The following ITPR3 variants were observed in gnomAD, a reference collection of about 807,000 sequenced individuals.
The protein encoded by ITPR3 is inositol 1,4,5-trisphosphate receptor type 3, also known as inositol 1,4,5-trisphosphate-gated calcium channel ITPR3.
In ITPR3, 173 loss-of-function variants were observed where a neutral mutation model predicts 293.2. The ratio of observed to expected loss-of-function variants is 0.59; its 90% CI spans 0.52 to 0.67. The LOEUF (loss-of-function observed/expected upper bound fraction) is 0.67, where lower values mean the gene tolerates loss of function less well. Among genes scored for constraint, ITPR3 ranks in the 30% least tolerant of loss-of-function variants. The pLI is 0.00. For missense variants in ITPR3, 2,796 were observed against 3,592.1 expected (o/e 0.78, Z 5.66); for synonymous variants, 1,295 against 1,444.4 (o/e 0.90, Z 2.35).
rs772492101 is a variant in ITPR3, at chr6:33,684,340, C to G, written c.4938-17C>G. 5 of 1,612,350 alleles carry G rather than the reference C, an allele frequency of 3.1e-6. No homozygotes were observed. The highest frequency in any genetic ancestry group is 3.4e-6 in the Non-Finnish European group (4 of 1,178,692). On this transcript the variant is annotated splice_polypyrimidine_tract_variant and intron_variant, in intron 36 of 57. Transcript: ENST00000605930. This position sits in a 1 kb window ranked among gnomAD's most constrained non-coding sequence, Gnocchi z 4.2. ...GCAGTGTGGGGCTGCCCTGAGCTGC[C>G]TCCTTGGCCGGCTCAGGCTGATCCA...
chr6:33,685,628 A>G lies in ITPR3; in HGVS notation c.5483-15A>G, dbSNP rs749808138. 6.3e-7 allele frequency: 1 copy of G among 1,581,492 alleles called. No individual in the cohort carries two copies. The highest frequency in any genetic ancestry group is 8.6e-7 in the Non-Finnish European group (1 of 1,159,010). On this transcript the variant is annotated splice_polypyrimidine_tract_variant and intron_variant, in intron 40 of 57. Coordinates refer to ENST00000605930, the MANE Select transcript of ITPR3 (RefSeq NM_002224.4). Reference sequence around the variant, plus strand: ...GGGGGTGGGCAGCTCCAGCCTCACCAGGTCTCGCCCACAGGCCGCGTGGCC... The same window carrying G: ...GGGGGTGGGCAGCTCCAGCCTCACCGGGTCTCGCCCACAGGCCGCGTGGCC...
Position 33,683,045 on chromosome 6 carries a change from C to T in ITPR3, c.4598-162C>T, listed in dbSNP as rs1331489845. Among the ~76,000 whole-genome samples the T allele has an allele frequency of 7.2e-6, 1 of 138,970 alleles. No individual in the cohort carries two copies. Among genetic ancestry groups the T allele is most frequent in the African/African-American group, 2.6e-5 (1 of 37,776 alleles). The allele number at this position is 138,970 out of a possible 152,430, so 91.2% of individuals were successfully genotyped here. ...TTTTACCCAACAAGGGGAAGAAAGC[C>T]TCTCAGTCCCTCAAGCATAGGCCGG... On this transcript the variant is annotated intron_variant, in intron 34 of 57. Transcript: ENST00000605930. This position sits in a 1 kb window ranked among gnomAD's most constrained non-coding sequence, Gnocchi z 4.5.
At position 33,667,294 on chromosome 6, in the gene ITPR3, C is replaced by T. The variant is rs367614119; in HGVS notation, c.1713+4C>T. 174 of 1,610,682 alleles carry T rather than the reference C, an allele frequency of 1.1e-4. No individual in the cohort carries two copies. In the African/African-American group the frequency reaches 1.1e-3, roughly 10 times the overall value. ...GGAGGACTACCGCAAGAACCAGGTG[C>T]GCCGCTGCCCTGCTGGCCCACTCGC... On this transcript the variant is annotated splice_donor_region_variant and intron_variant, in intron 15 of 57. Coordinates refer to ENST00000605930, the MANE Select transcript of ITPR3 (RefSeq NM_002224.4). This position sits in a 1 kb window ranked among gnomAD's most constrained non-coding sequence, Gnocchi z 4.4.
Position 33,621,563 on chromosome 6 carries a change from T to C in ITPR3, c.-40T>C, listed in dbSNP as rs935348468. On this transcript the variant is annotated 5_prime_UTR_variant, in exon 1 of 58. Coordinates refer to ENST00000605930, the MANE Select transcript of ITPR3 (RefSeq NM_002224.4). The surrounding 1 kb of genome is among the most constrained non-coding windows in gnomAD (Gnocchi z 7.7). ...CGCACTGAGCTTGGCCACGCGCCCC[T>C]AGGCGCCCCCCACGCCCTGGGCCCC... 1 of 1,501,978 alleles carries C rather than the reference T, an allele frequency of 6.7e-7. No individual in the cohort carries two copies. Among genetic ancestry groups the C allele is most frequent in the Non-Finnish European group, 9.1e-7 (1 of 1,098,660 alleles). The allele number at this position is 1,501,978 out of a possible 1,614,324, so 93.0% of individuals were successfully genotyped here.
rs371932140 is a variant in ITPR3, at chr6:33,692,434, C to T, written c.7459-294C>T. ...CATCAATGTTAGGGGCAGAGACACA[C>T]CGAGACTCGTAGCCCTACCTCCCCG... On this transcript the variant is annotated intron_variant, in intron 54 of 57. Transcript: ENST00000605930. The surrounding 1 kb of genome is among the most constrained non-coding windows in gnomAD (Gnocchi z 4.2). Among the ~76,000 whole-genome samples, 15 of 152,280 alleles carry T rather than the reference C, an allele frequency of 9.9e-5. No homozygotes were observed. In the South Asian group the frequency reaches 3.1e-3, roughly 32 times the overall value.
Position 33,658,690 on chromosome 6 carries a change from C to G in ITPR3, c.390C>G (p.Asn130Lys). Residue 130 changes from asparagine to lysine, a missense_variant, in exon 5 of 58, where the codon AAC becomes AAG. By Grantham distance (94) the Asn-to-Lys change is moderately conservative. Transcript: ENST00000605930. The surrounding 1 kb of genome is among the most constrained non-coding windows in gnomAD (Gnocchi z 6.1). ...CCCAGCTCCTGCACATGAAGAGCAA[C>G]AAGTACCTGACAGTGAACAAGCGGC... ...SVIQLLHMKS[N>K]KYLTVNKRLP... 6.2e-7 allele frequency: 1 copy of G among 1,614,156 alleles called. No homozygotes were observed. The highest frequency in any genetic ancestry group is 1.1e-5 in the South Asian group (1 of 91,090).
chr6:33,636,837 G>A (rs982733748), intron 1 of ITPR3, among the ~76,000 whole-genome samples: 1 of 152,148 alleles, frequency 6.6e-6, no homozygotes, highest in Non-Finnish European at 1.5e-5. Context: ...AACGACGTGA[G>A]TGCAGATGGA....
intron 1 of ITPR3, among the ~76,000 whole-genome samples, chr6:33,623,712 T>TTGCC (rs1272815857): frequency 6.6e-6 from 1 of 152,192 alleles, no homozygotes; most frequent in East Asian, 1.9e-4. Context: ...ATTCCCTCTG[T>TTGCC]TGCCTCCAAA....
chr6:33,652,794 G>T (rs927638278), intron 2 of ITPR3, among the ~76,000 whole-genome samples: 3 of 152,060 alleles, frequency 2.0e-5, no homozygotes, highest in African/African-American at 7.2e-5. Context: ...ATGCAAAATG[G>T]TGGCGGTCTA....
intron 1 of ITPR3, among the ~76,000 whole-genome samples, chr6:33,636,747 G>A (rs1388910418): frequency 6.6e-6 from 1 of 152,052 alleles, no homozygotes. Context: ...CGAGGCTGGA[G>A]TTCATGGGAG....
rs1274203937 is a variant in ITPR3 at position 33,655,769 on chromosome 6, G to A, written c.164G>A (p.Cys55Tyr). ...CCCCCAACCTGCCCCACCACAGACT[G>A]CCTCTTCAAGGTGTGCCCCATGAAC... ...LDNPPKKFRD[C>Y]LFKVCPMNRY... Residue 55 changes from cysteine to tyrosine, a missense_variant, in exon 3 of 58, where the codon TGC becomes TAC. This residue lies in a region of ITPR3 where 53 missense variants were observed against 45.7 expected (regional missense o/e 1.16). Coordinates refer to ENST00000605930, the MANE Select transcript of ITPR3 (RefSeq NM_002224.4). This position sits in a 1 kb window ranked among gnomAD's most constrained non-coding sequence, Gnocchi z 4.9. 6.2e-7 allele frequency: 1 copy of A among 1,614,034 alleles called. No homozygotes were observed. Among genetic ancestry groups the A allele is most frequent in the Middle Eastern group, 1.7e-4 (1 of 6,060 alleles).
In ITPR3 at chr6:33,686,445, A is replaced by C. The variant is rs1427063121; in HGVS notation, c.5905A>C (p.Ile1969Leu). The C allele has an allele frequency of 6.2e-7, 1 of 1,614,222 alleles. No individual in the cohort carries two copies. The change falls in exon 43 of 58, where the codon ATC becomes CTC. Residue 1969 changes from isoleucine (I) to leucine (L), a missense_variant. Transcript: ENST00000605930. ...GACTCACGAGTCCAATGGCATAGACATCATCACCGCACTGATCCTCAATGA... is the reference window on the plus strand; with the variant it reads ...GACTCACGAGTCCAATGGCATAGACCTCATCACCGCACTGATCCTCAATGA... ...IVTHESNGIDIITALILNDIS... is the reference protein window; with the variant it reads ...IVTHESNGIDLITALILNDIS...
At chr6:33,660,123 C>A (rs1045195611) in intron 7 of ITPR3, among the ~76,000 whole-genome samples, 21 of 152,148 alleles carry the variant, frequency 1.4e-4, no homozygotes, top group South Asian at 4.1e-4. Flanking sequence ...ATTCAAGAAA[C>A]CCTGAACAGC....
chr6:33,679,974 C>A lies in ITPR3; in HGVS notation c.4065C>A (p.Gly1355=). The A allele has an allele frequency of 6.2e-7, 1 of 1,613,872 alleles. No individual in the cohort carries two copies. The highest frequency in any genetic ancestry group is 8.5e-7 in the Non-Finnish European group (1 of 1,180,032). Residue 1355 remains glycine, a synonymous_variant, in exon 31 of 58, where the codon GGC becomes GGA. Coordinates refer to ENST00000605930, the MANE Select transcript of ITPR3 (RefSeq NM_002224.4). This position sits in a 1 kb window ranked among gnomAD's most constrained non-coding sequence, Gnocchi z 4.2. ...LLDMMKAARD[G]VEDHSPLMYH... ...ACATGATGAAGGCCGCCCGCGACGGCGTGGAGGACCACAGCCCCCTCATGT... is the reference window on the plus strand; with the variant it reads ...ACATGATGAAGGCCGCCCGCGACGGAGTGGAGGACCACAGCCCCCTCATGT...
chr6:33,687,716 G>A lies in ITPR3; in HGVS notation c.6264+152G>A, dbSNP rs150284606. On this transcript the variant is annotated intron_variant, in intron 46 of 57. Coordinates refer to ENST00000605930, the MANE Select transcript of ITPR3 (RefSeq NM_002224.4). This position sits in a 1 kb window ranked among gnomAD's most constrained non-coding sequence, Gnocchi z 5.3. ...CAGCTCAGGGGGCTGATTGGGACTGGCAGCCGTGGGTGAAACCCAGACAGA... is the reference window on the plus strand; with the variant it reads ...CAGCTCAGGGGGCTGATTGGGACTGACAGCCGTGGGTGAAACCCAGACAGA... 2.3e-3 allele frequency: 1,551 copies of A among 682,924 alleles called. 8 individuals are homozygous for A. The highest frequency in any genetic ancestry group is 0.012 in the Middle Eastern group (41 of 3,440). 42.3% of individuals were successfully genotyped at this position (682,924 alleles called of 1,614,324 possible).
rs541957805 is a variant in ITPR3, at chr6:33,660,946, GCAAA to G, written c.711+1410_711+1413del. 3.7e-3 allele frequency among the ~76,000 whole-genome samples: 560 copies of G among 149,814 alleles called. 3 individuals are homozygous for G. Among genetic ancestry groups the G allele is most frequent in the African/African-American group, 0.011 (450 of 39,338 alleles). ...ACTCCTTCTCAAAAAAAACAAACAA[GCAAA>G]CAAACAAACAAATAAATAAAATGAA... On this transcript the variant is annotated intron_variant, in intron 7 of 57. Coordinates refer to ENST00000605930, the MANE Select transcript of ITPR3 (RefSeq NM_002224.4).
At position 33,683,623 on chromosome 6, in the gene ITPR3, T is replaced by C. The variant is rs150551086; in HGVS notation, c.4788+226T>C. ...AGGAAGCCTGGAGAACCCAGAGGCC[T>C]GCTAGTGGGGTTGGAGCTCATGAGG... On this transcript the variant is annotated intron_variant, in intron 35 of 57. Transcript: ENST00000605930. This position sits in a 1 kb window ranked among gnomAD's most constrained non-coding sequence, Gnocchi z 4.5. Among the ~76,000 whole-genome samples, 1,113 of 152,240 alleles carry C rather than the reference T, an allele frequency of 7.3e-3. 12 individuals are homozygous for C. The highest frequency in any genetic ancestry group is 0.04 in the East Asian group (209 of 5,174).
chr6:33,685,421 C>G lies in ITPR3; in HGVS notation c.5370C>G (p.His1790Gln). ...CAGAGCGCTTCTTCAAGGTGCTGCA[C>G]GACCGCATGAAGCGGGCCCAGCAGG... ...KKSERFFKVL[H>Q]DRMKRAQQET... The change falls in exon 40 of 58, where the codon CAC (histidine) becomes CAG (glutamine). Residue 1790 changes from histidine to glutamine, a missense_variant. His to Gln is a conservative substitution (Grantham distance 24). Around this residue, in one of 8 missense-constraint regions of ITPR3, gnomAD observed 704 missense variants for 797.5 expected, o/e 0.88. Transcript: ENST00000605930. 6.2e-7 allele frequency: 1 copy of G among 1,614,130 alleles called. No homozygotes were observed. Among genetic ancestry groups the G allele is most frequent in the Non-Finnish European group, 8.5e-7 (1 of 1,180,002 alleles).
Position 33,654,614 on chromosome 6 carries a change from G to C in ITPR3, c.161-1152G>C, listed in dbSNP as rs555759025. On this transcript the variant is annotated intron_variant, in intron 2 of 57. Coordinates refer to ENST00000605930, the MANE Select transcript of ITPR3 (RefSeq NM_002224.4). The surrounding 1 kb of genome is among the most constrained non-coding windows in gnomAD (Gnocchi z 4.1). Reference sequence around the variant, plus strand: ...CAGCTTTCTTAGAGGGAACAGGAAAGGACCTGAAGAAGGGGTTTTGTTTCT... The same window carrying C: ...CAGCTTTCTTAGAGGGAACAGGAAACGACCTGAAGAAGGGGTTTTGTTTCT... 6.6e-6 allele frequency among the ~76,000 whole-genome samples: 1 copy of C among 152,348 alleles called. No homozygotes were observed. Among genetic ancestry groups the C allele is most frequent in the East Asian group, 1.9e-4 (1 of 5,180 alleles).
Sources: gnomAD v4.1 joint callset for allele counts (sites outside exome capture counted in the v4.1 genomes callset) on GRCh38, gnomAD v4.1.1 for gene constraint, gnomAD v4.1.1 regional missense constraint, Gnocchi (gnomAD v3.1) non-coding constraint, MANE v1.5 for transcripts, NCBI Gene and HGNC (gene_info 2026-07-23, HGNC 2026-07-21) for gene names.